CRISP3: variants seen among roughly 807,000 people sequenced by gnomAD.
The protein encoded by CRISP3 is cysteine rich secretory protein 3.
Under a neutral mutation model 36.1 loss-of-function variants are expected in CRISP3, and 33 were observed. That is an observed-to-expected ratio of 0.91 (90% CI 0.69 to 1.22). CRISP3 has a LOEUF of 1.22. Ranked by LOEUF, CRISP3 falls within the 50% of genes most tolerant of loss-of-function variation. CRISP3 has a pLI of 0.00. For missense variants in CRISP3, 330 were observed against 301.2 expected (o/e 1.10, Z -0.71); for synonymous variants, 117 against 104.6 (o/e 1.12, Z -0.72).
rs1028320732 is a variant in CRISP3, at chr6:49,728,055, T to C, written c.*675A>G. 6.6e-5 allele frequency: 10 copies of C among 152,150 alleles called. No homozygotes were observed. Among genetic ancestry groups the C allele is most frequent in the African/African-American group, 1.2e-4 (5 of 41,460 alleles). 9.4% of individuals were successfully genotyped at this position (152,150 alleles called of 1,614,324 possible). A position where few individuals can be genotyped will look rare whatever the true frequency, so the allele number is the denominator to read the frequency against. The stretch of plus-strand genomic sequence containing the variant: ...TTACCTATATTATCTTGTATTCTTT[T>C]TTAAGGAAGTTTTGTCAAAGAGAAG... On this transcript the variant is annotated 3_prime_UTR_variant, in exon 8 of 8. Transcript: ENST00000263045.
chr6:49,740,281 T>TCTGGAA (rs1769164893), intron 1 of CRISP3, among the ~76,000 whole-genome samples: 1 of 152,226 alleles, frequency 6.6e-6, no homozygotes, highest in African/African-American at 2.4e-5. Flanking sequence ...TATAGGCATA[T>TCTGGAA]CTGGCTTTAA....
intron 1 of CRISP3, among the ~76,000 whole-genome samples, chr6:49,739,663 C>T (rs1035037165): frequency 6.6e-6 from 1 of 152,108 alleles, no homozygotes; most frequent in African/African-American, 2.4e-5. Flanking sequence ...CCATCCCCAC[C>T]TCTCCTCCCA....
At position 49,735,577 on chromosome 6, in the gene CRISP3, C is replaced by T. The variant is rs765276653; in HGVS notation, c.243G>A (p.Glu81=). ...CCCACTTTTGGGCATTTGCTGCAGC[C>T]TCTTTGTTCCATTCCTGAAACAAGG... The part of the protein sequence containing the change: ...RNMLKMEWNK[E]AAANAQKWAN... Residue 81 remains glutamate (E), a synonymous_variant, in exon 4 of 8, where the codon GAG becomes GAA. Coordinates refer to ENST00000263045, the MANE Select transcript of CRISP3 (RefSeq NM_006061.4). 5.6e-6 allele frequency: 9 copies of T among 1,612,188 alleles called. No homozygotes were observed. The Admixed American group carries it at 1.5e-4, about 27-fold the overall frequency.
Position 49,731,154 on chromosome 6 carries a change from C to G in CRISP3, c.649+9G>C. 1 of 1,567,634 alleles carries G rather than the reference C, an allele frequency of 6.4e-7. No individual in the cohort carries two copies. Among genetic ancestry groups the G allele is most frequent in the Admixed American group, 1.8e-5 (1 of 55,334 alleles). ...TATTTTATTATCAAGTTAATCACTT[C>G]AAACTTACTGCATAGTCCATCGTCA... On this transcript the variant is annotated intron_variant, in intron 7 of 7. Transcript: ENST00000263045.
In CRISP3 at chr6:49,733,825, A is replaced by G; in HGVS notation, c.340T>C (p.Tyr114His). Residue 114 changes from tyrosine to histidine, a missense_variant, in exon 5 of 8, where the codon TAC becomes CAC. Coordinates refer to ENST00000263045, the MANE Select transcript of CRISP3 (RefSeq NM_006061.4). ...CATGAGCTGGAGGCACTTGACATGT[A>G]GAGATTCTCACCACATTTTAGACCT... Reference protein sequence around the residue: ...MTSLKCGENLYMSSASSSWSQ... With the variant: ...MTSLKCGENLHMSSASSSWSQ... 6.2e-6 allele frequency: 10 copies of G among 1,613,778 alleles called. No homozygotes were observed. Among genetic ancestry groups the G allele is most frequent in the Non-Finnish European group, 8.5e-6 (10 of 1,179,732 alleles).
intron 4 of CRISP3, among the ~76,000 whole-genome samples, chr6:49,734,885 A>T (rs1471537302): frequency 1.3e-5 from 2 of 152,100 alleles, no homozygotes; most frequent in Non-Finnish European, 2.9e-5. Context: ...ATTGATGTAT[A>T]GGTTATGTCT....
chr6:49,731,099 C>G lies in CRISP3; in HGVS notation c.649+64G>C, dbSNP rs1299570847. On this transcript the variant is annotated intron_variant, in intron 7 of 7. Coordinates refer to ENST00000263045, the MANE Select transcript of CRISP3 (RefSeq NM_006061.4). ...CTTAAGTTGGTTGTCTTCAGATTTC[C>G]CAATTCTTAGAAGAAATGTCAGATC... is the stretch of plus-strand genomic sequence containing the variant. 5.7e-6 allele frequency: 7 copies of G among 1,224,368 alleles called. No homozygotes were observed. The African/African-American group carries it at 9.2e-5, about 16-fold the overall frequency. The allele number at this position is 1,224,368 out of a possible 1,614,324, so 75.8% of individuals were successfully genotyped here. A position where few individuals can be genotyped will look rare whatever the true frequency, so the allele number is the denominator to read the frequency against.
chr6:49,735,429 C>G (rs1176951592), intron 4 of CRISP3, 75 bp downstream of exon 4: 9 of 1,159,172 alleles, frequency 7.8e-6, no homozygotes, highest in Non-Finnish European at 1.1e-5. Flanking sequence ...ACAAACTTTT[C>G]TTAATGCAAC....
chr6:49,729,115 A>G (rs1262458647), intron 7 of CRISP3, among the ~76,000 whole-genome samples: 12 of 152,178 alleles, frequency 7.9e-5, no homozygotes, highest in Admixed American at 7.9e-4. Flanking sequence ...AAGTGAGCAG[A>G]GTAAAATTAA....
At position 49,736,440 on chromosome 6, in the gene CRISP3, T is replaced by C. The variant is rs1370772498; in HGVS notation, c.179A>G (p.Asn60Ser). 3 of 1,613,888 alleles carry C rather than the reference T, an allele frequency of 1.9e-6. No homozygotes were observed. In the Admixed American group the frequency reaches 5.0e-5, roughly 27 times the overall value. The change falls in exon 3 of 8, where the codon AAT (asparagine) becomes AGT (serine). Residue 60 changes from asparagine to serine, a missense_variant. Physicochemically the swap from Asn to Ser is conservative, Grantham distance 46. Coordinates refer to ENST00000263045, the MANE Select transcript of CRISP3 (RefSeq NM_006061.4). ...GGGAGATACTGCTCTCCTCAGTTCA[T>C]TGTGCTTATTCACAATCTCCCTTTG... is the stretch of plus-strand genomic sequence containing the variant. ...QVQREIVNKH[N>S]ELRRAVSPPA... is the part of the protein sequence containing the mutation.
At chr6:49,744,306 T>C in intron 1 of CRISP3, 25 bp downstream of exon 1, 1 of 1,481,728 alleles carries the variant, frequency 6.7e-7, no homozygotes, top group Non-Finnish European at 9.1e-7. Context: ...AATGTTCACC[T>C]TGAAATAAAG....
intron 6 of CRISP3, 83 bp from the exon 7 acceptor site, chr6:49,731,334 T>C (rs1768912825): frequency 1.6e-6 from 1 of 623,470 alleles, no homozygotes; most frequent in Non-Finnish European, 2.8e-6. Context: ...TCACCAAATA[T>C]ACATGAGTAT....
In CRISP3 at chr6:49,731,143, G is replaced by A. The variant is rs756506795; in HGVS notation, c.649+20C>T. 1 of 1,493,616 alleles carries A rather than the reference G, an allele frequency of 6.7e-7. No individual in the cohort carries two copies. The highest frequency in any genetic ancestry group is 9.2e-7 in the Non-Finnish European group (1 of 1,089,818). The allele number at this position is 1,493,616 out of a possible 1,614,324, so 92.5% of individuals were successfully genotyped here. A position where few individuals can be genotyped will look rare whatever the true frequency, so the allele number is the denominator to read the frequency against. The stretch of plus-strand genomic sequence containing the variant: ...TCAGATCATTTTATTTTATTATCAA[G>A]TTAATCACTTCAAACTTACTGCATA... On this transcript the variant is annotated intron_variant, in intron 7 of 7. Transcript: ENST00000263045.
chr6:49,735,688 T>G (rs1448161967), intron 3 of CRISP3, 97 bp from the exon 4 acceptor site: 4 of 818,096 alleles, frequency 4.9e-6, no homozygotes, highest in Non-Finnish European at 7.7e-6. Flanking sequence ...TACATCATCA[T>G]AAAATTTCTG....
At chr6:49,731,103 T>C in intron 7 of CRISP3, 60 bp downstream of exon 7, 1 of 1,250,954 alleles carries the variant, frequency 8.0e-7, no homozygotes, top group Non-Finnish European at 1.1e-6. Flanking sequence ...GATTTCCCAA[T>C]TCTTAGAAGA....
chr6:49,739,629 A>T (rs1769149366), intron 1 of CRISP3, among the ~76,000 whole-genome samples: 1 of 152,192 alleles, frequency 6.6e-6, no homozygotes, highest in African/African-American at 2.4e-5. Context: ...TAATGGTGAC[A>T]GAGAGTCGCT....
intron 4 of CRISP3, 107 bp downstream of exon 4, chr6:49,735,397 G>T: frequency 1.3e-6 from 1 of 770,840 alleles, no homozygotes; most frequent in Admixed American, 2.2e-5. Flanking sequence ...GAAAAAGGTA[G>T]CATTAGAAGC....
At chr6:49,733,911 A>AAC (rs756766734) in intron 4 of CRISP3, 63 bp from the exon 5 acceptor site, 22 of 1,382,534 alleles carry the variant, frequency 1.6e-5, no homozygotes, top group Middle Eastern at 1.8e-4. Flanking sequence ...AATACACACA[A>AAC]ACACACACAC....
rs1192229655 is a variant in CRISP3 at position 49,728,708 on chromosome 6, C to A, written c.*22G>T. ...TAATCTGACTCCTCTCTACATAGCC[C>A]TACTCGGTGTGTAATGCGTATTTAA... On this transcript the variant is annotated 3_prime_UTR_variant, in exon 8 of 8. Coordinates refer to ENST00000263045, the MANE Select transcript of CRISP3 (RefSeq NM_006061.4). 4.4e-6 allele frequency: 7 copies of A among 1,603,680 alleles called. No homozygotes were observed. The South Asian group carries it at 7.9e-5, about 18-fold the overall frequency.
Sources: gnomAD v4.1 joint callset for allele counts (sites outside exome capture counted in the v4.1 genomes callset) on GRCh38, gnomAD v4.1.1 for gene constraint, MANE v1.5 for transcripts, NCBI Gene and HGNC (gene_info 2026-07-23, HGNC 2026-07-21) for gene names.